The following PPP2R3B variants were observed in gnomAD, a reference collection of about 807,000 sequenced individuals.
The protein encoded by PPP2R3B is protein phosphatase 2 regulatory subunit B''beta, also known as serine/threonine-protein phosphatase 2A regulatory subunit B'' subunit beta.
In PPP2R3B, 68 loss-of-function variants were observed where a neutral mutation model predicts 72.9. The ratio of observed to expected loss-of-function variants is 0.93; its 90% confidence interval spans 0.77 to 1.14. PPP2R3B has a LOEUF of 1.14. PPP2R3B is among the 50% of genes most tolerant of loss of function. The pLI, the probability that PPP2R3B is intolerant of heterozygous loss-of-function variation, is 0.00. For missense variants in PPP2R3B, 1,018 were observed against 842.0 expected (o/e 1.21, Z -2.59); for synonymous variants, 466 against 375.8 (o/e 1.24, Z -2.78).
At position 345,530 on chromosome X, in the gene PPP2R3B, C is replaced by T. The variant is rs1260985258; in HGVS notation, c.1022G>A (p.Arg341Gln). 3.1e-6 allele frequency: 5 copies of T among 1,612,990 alleles called. No individual in the cohort carries two copies. The highest frequency in any genetic ancestry group is 3.3e-5 in the Admixed American group (2 of 60,000). ...CCCCCACGCACCGTGGTCATTGTGC[C>T]GCGCCAGGTCGTCCGCGTCGATGAG... ...DLLIDADDLA[R>Q]HNDHALSTKM... The change falls in exon 7 of 13, where the codon CGG (arginine) becomes CAG (glutamine). Residue 341 changes from arginine (R) to glutamine (Q), a missense_variant. Physicochemically the swap from Arg to Gln is conservative, Grantham distance 43. Transcript: ENST00000390665.
intron 1 of PPP2R3B, among the ~76,000 whole-genome samples, chrX:370,236 G>A (rs1264204266): frequency 1.3e-5 from 2 of 152,224 alleles, no homozygotes; most frequent in Non-Finnish European, 2.9e-5. Flanking sequence ...GTGTGGAGGG[G>A]TCAACACAGA....
At chrX:383,247 C>T (rs946463672) in intron 1 of PPP2R3B, among the ~76,000 whole-genome samples, 1 of 152,136 alleles carries the variant, frequency 6.6e-6, no homozygotes, top group African/African-American at 2.4e-5. Context: ...CTCAGATTGC[C>T]ACCCACCTCT....
At chrX:385,627 A>G (rs1303059262) in intron 1 of PPP2R3B, among the ~76,000 whole-genome samples, 1 of 151,794 alleles carries the variant, frequency 6.6e-6, no homozygotes, top group African/African-American at 2.4e-5. Context: ...CTGCAAAAAT[A>G]AATAAATAAA....
intron 1 of PPP2R3B, among the ~76,000 whole-genome samples, chrX:364,035 A>G (rs1362433953): frequency 2.0e-5 from 3 of 152,350 alleles, no homozygotes; most frequent in Admixed American, 2.0e-4. Context: ...GCCTGGAAGG[A>G]AGAACCCGGG....
At chrX:376,396 C>T (rs1313167057) in intron 1 of PPP2R3B, among the ~76,000 whole-genome samples, 1 of 152,158 alleles carries the variant, frequency 6.6e-6, no homozygotes, top group Non-Finnish European at 1.5e-5. Context: ...CTGTCTACAC[C>T]GGATGGGGGA....
chrX:341,489 G>GCAC lies in PPP2R3B; in HGVS notation c.1086-94_1086-93insGTG, dbSNP rs1556118262. ...CTGTCCACGCGCCTCGGTGAGGGGA[G>GCAC]CCCCCCGGGCCCGGCCCTCCTCCTG... On this transcript the variant is annotated intron_variant, in intron 8 of 12. Transcript: ENST00000390665. 1.2e-5 allele frequency: 15 copies of GCAC among 1,259,708 alleles called. No homozygotes were observed. The East Asian group carries it at 3.3e-4, about 27-fold the overall frequency. The allele number at this position is 1,259,708 out of a possible 1,614,324, so 78.0% of individuals were successfully genotyped here.
At chrX:335,457 G>C (rs890134104) in intron 12 of PPP2R3B, 3 of 152,298 alleles carry the variant, frequency 2.0e-5, no homozygotes, top group African/African-American at 7.2e-5. Flanking sequence ...AGACGGCCCA[G>C]GGTGGGCCGC....
chrX:370,444 G>C (rs2071834260), intron 1 of PPP2R3B, among the ~76,000 whole-genome samples: 1 of 152,172 alleles, frequency 6.6e-6, no homozygotes, highest in South Asian at 2.1e-4. Flanking sequence ...ACAGAGCTCG[G>C]AAGGCTGGGC....
At chrX:378,523 G>C (rs1265491773) in intron 1 of PPP2R3B, among the ~76,000 whole-genome samples, 14 of 152,272 alleles carry the variant, frequency 9.2e-5, no homozygotes, top group Admixed American at 2.0e-4. Flanking sequence ...AAGCCTATGA[G>C]ACAGGAAGAT....
At chrX:374,226 C>A (rs936252889) in intron 1 of PPP2R3B, among the ~76,000 whole-genome samples, 1 of 152,150 alleles carries the variant, frequency 6.6e-6, no homozygotes, top group South Asian at 2.1e-4. Context: ...AAGTGAGGTC[C>A]CCCCCCTCCA....
At chrX:375,094 G>A (rs1273803041) in intron 1 of PPP2R3B, among the ~76,000 whole-genome samples, 1 of 151,914 alleles carries the variant, frequency 6.6e-6, no homozygotes, top group East Asian at 1.9e-4. Context: ...TCTTCTTAGG[G>A]GTACGCCCCT....
chrX:344,760 G>T (rs1444127918), intron 7 of PPP2R3B: 1 of 256,768 alleles, frequency 3.9e-6, no homozygotes, highest in Non-Finnish European at 7.7e-6. Context: ...GTCTGCTCAG[G>T]TGCGCGTCCG....
At chrX:346,533 A>G in intron 5 of PPP2R3B, 168 bp downstream of exon 5, 2 of 693,708 alleles carry the variant, frequency 2.9e-6, no homozygotes, top group South Asian at 1.9e-5. Flanking sequence ...AGTCCCCCCA[A>G]CACCGGGCTC....
At chrX:351,110 G>A (rs1250107342) in intron 2 of PPP2R3B, among the ~76,000 whole-genome samples, 3 of 152,140 alleles carry the variant, frequency 2.0e-5, no homozygotes, top group Admixed American at 6.5e-5. Context: ...ACCTGTGGAT[G>A]ACTTGAAGGC....
intron 7 of PPP2R3B, among the ~76,000 whole-genome samples, chrX:344,439 G>A (rs1453959117): frequency 7.2e-5 from 11 of 152,370 alleles, no homozygotes; most frequent in African/African-American, 2.2e-4. Flanking sequence ...TCCCTGGGAC[G>A]CACGAGCCAA....
At chrX:377,855 C>G (rs1323706917) in intron 1 of PPP2R3B, among the ~76,000 whole-genome samples, 2 of 98,468 alleles carry the variant, frequency 2.0e-5, no homozygotes, top group Non-Finnish European at 4.0e-5. Context: ...CGTCCACACC[C>G]AGTGGGTCCG....
At chrX:335,512 G>C (rs1421862272) in intron 12 of PPP2R3B, 1 of 152,206 alleles carries the variant, frequency 6.6e-6, no homozygotes, top group Non-Finnish European at 1.5e-5. Context: ...GGCGGCTGAT[G>C]GGGGAGCAGG....
chrX:351,785 C>A (rs1297814176), intron 2 of PPP2R3B, among the ~76,000 whole-genome samples: 2 of 152,220 alleles, frequency 1.3e-5, no homozygotes, highest in East Asian at 1.9e-4. Context: ...GCAGTCTCAA[C>A]TTCACGGGCT....
chrX:373,593 G>A, intron 1 of PPP2R3B: 1 of 292,890 alleles, frequency 3.4e-6, no homozygotes, highest in South Asian at 2.6e-5. Context: ...GCAGCCGCGG[G>A]CCAGTGAGGC....
Sources: gnomAD v4.1 joint callset for allele counts (sites outside exome capture counted in the v4.1 genomes callset) on GRCh38, gnomAD v4.1.1 for gene constraint, MANE v1.5 for transcripts, NCBI Gene and HGNC (gene_info 2026-07-23, HGNC 2026-07-21) for gene names.